Variants in KDM4B observed in about 807,000 individuals in gnomAD.
The protein encoded by KDM4B is lysine demethylase 4B, also known as lysine-specific demethylase 4B.
A neutral mutation model predicts 125.2 loss-of-function variants in KDM4B; 32 were observed. That is an observed-to-expected ratio of 0.26 (90% CI 0.19 to 0.34). The LOEUF (loss-of-function observed/expected upper bound fraction) is 0.34, where lower values mean the gene tolerates loss of function less well. Ranked by LOEUF, KDM4B falls within the 10% of genes least tolerant of loss-of-function variation. The pLI is 1.00. For missense variants in KDM4B, 1,190 were observed against 1,577.7 expected (o/e 0.75, Z 4.16); for synonymous variants, 721 against 677.9 (o/e 1.06, Z -0.99).
chr19:5,122,217 G>C (rs1246117929), intron 11 of KDM4B, among the ~76,000 whole-genome samples: 1 of 152,152 alleles, frequency 6.6e-6, no homozygotes, highest in Non-Finnish European at 1.5e-5. Flanking sequence ...CACATCTCTT[G>C]GCTCAGAGCC....
chr19:5,077,445 A>G lies in KDM4B; in HGVS notation c.755A>G (p.Lys252Arg), dbSNP rs1480950229. 3 of 1,613,406 alleles carry G rather than the reference A, an allele frequency of 1.9e-6. No individual in the cohort carries two copies. In the South Asian group the frequency reaches 3.3e-5, roughly 18 times the overall value. ...ACCCTCATCTCGCCCATCATCCTGA[A>G]GAAGTACGGGATCCCCTTCAGCCGG... ...KMTLISPIIL[K>R]KYGIPFSRIT... Residue 252 changes from lysine to arginine, a missense_variant, in exon 8 of 23, where the codon AAG (lysine) becomes AGG (arginine). Coordinates refer to ENST00000159111, the MANE Select transcript of KDM4B (RefSeq NM_015015.3).
chr19:4,973,395 A>T (rs2034328447), intron 1 of KDM4B, among the ~76,000 whole-genome samples: 1 of 151,940 alleles, frequency 6.6e-6, no homozygotes, highest in South Asian at 2.1e-4. Context: ...CACCATGTTG[A>T]CCAGGCTGGT....
At chr19:5,077,738 AGGCCCCTCCGCAGG>A in intron 8 of KDM4B, 1 of 447,060 alleles carries the variant, frequency 2.2e-6, no homozygotes, top group East Asian at 4.2e-5. Context: ...TGGCCATCAG[AGGCCCCTCCGCAGG>A]GGCTGCAGGG....
At chr19:5,075,045 C>T (rs1350991032) in intron 7 of KDM4B, 2 of 152,402 alleles carry the variant, frequency 1.3e-5, no homozygotes, top group African/African-American at 4.8e-5. Flanking sequence ...AGCCGGCAGC[C>T]CTGTTGGGGA....
intron 6 of KDM4B, among the ~76,000 whole-genome samples, chr19:5,059,081 G>T (rs1346845924): frequency 6.6e-6 from 1 of 152,128 alleles, no homozygotes; most frequent in African/African-American, 2.4e-5. Context: ...ACCCAGAGTC[G>T]CCCGCCCACC....
At position 5,038,442 on chromosome 19, in the gene KDM4B, G is replaced by T. The variant is rs137921921; in HGVS notation, c.142-1394G>T. 1.6e-3 allele frequency among the ~76,000 whole-genome samples: 248 copies of T among 152,346 alleles called. 1 individual carries two copies. Among genetic ancestry groups the T allele is most frequent in the Non-Finnish European group, 2.7e-3 (184 of 68,018 alleles). ...CTCCTGGATGTCTCCAGAAAGAGCC[G>T]GCGCTAACCTGGACTGTCCTTTCCT... On this transcript the variant is annotated intron_variant, in intron 3 of 22. Transcript: ENST00000159111.
chr19:4,987,379 C>T (rs1280878039), intron 1 of KDM4B, among the ~76,000 whole-genome samples: 2 of 152,090 alleles, frequency 1.3e-5, no homozygotes, highest in East Asian at 3.9e-4. Flanking sequence ...AGGGGCTTAT[C>T]ACAAGCTTGG....
At chr19:5,031,198 G>A (rs755947265) in intron 2 of KDM4B, among the ~76,000 whole-genome samples, 36 of 152,214 alleles carry the variant, frequency 2.4e-4, no homozygotes, top group African/African-American at 5.3e-4. Context: ...TGGGGTTGGC[G>A]GGGTCGCAGG....
At chr19:5,020,135 G>T (rs2036061755) in intron 2 of KDM4B, among the ~76,000 whole-genome samples, 1 of 111,104 alleles carries the variant, frequency 9.0e-6, no homozygotes, top group Admixed American at 9.2e-5. Context: ...AGGTGTTGGT[G>T]TGGATGTTGG....
At chr19:5,094,595 G>A (rs2145927943) in intron 9 of KDM4B, among the ~76,000 whole-genome samples, 1 of 152,114 alleles carries the variant, frequency 6.6e-6, no homozygotes, top group Non-Finnish European at 1.5e-5. Flanking sequence ...GTGTTTTAGG[G>A]GTGGTGCCTG....
chr19:5,103,499 G>A (rs907688875), intron 9 of KDM4B, among the ~76,000 whole-genome samples: 2 of 152,174 alleles, frequency 1.3e-5, no homozygotes, highest in Non-Finnish European at 2.9e-5. Context: ...GTCTTCAGGG[G>A]CAGGTGACGG....
chr19:5,032,763 G>C, intron 2 of KDM4B, 103 bp from the exon 3 acceptor site: 1 of 1,122,320 alleles, frequency 8.9e-7, no homozygotes. Context: ...TGTCCTCCTG[G>C]TGGCCACGGT....
At chr19:5,108,760 T>G (rs1262094391) in intron 9 of KDM4B, among the ~76,000 whole-genome samples, 1 of 152,184 alleles carries the variant, frequency 6.6e-6, no homozygotes, top group Non-Finnish European at 1.5e-5. Flanking sequence ...GCCTGTTTGA[T>G]GGAGAGGCAG....
intron 2 of KDM4B, among the ~76,000 whole-genome samples, chr19:5,031,720 C>T (rs1301638566): frequency 1.3e-5 from 2 of 152,194 alleles, no homozygotes; most frequent in East Asian, 1.9e-4. Context: ...TTCTGGACAC[C>T]AGTGCAAGCC....
At chr19:5,003,241 T>C (rs777459093) in intron 1 of KDM4B, among the ~76,000 whole-genome samples, 8 of 152,068 alleles carry the variant, frequency 5.3e-5, no homozygotes, top group African/African-American at 1.4e-4. Context: ...CCTGTGATCA[T>C]AGCACTTTGG....
At chr19:5,017,244 G>C (rs562030056) in intron 2 of KDM4B, among the ~76,000 whole-genome samples, 3 of 152,310 alleles carry the variant, frequency 2.0e-5, no homozygotes. Context: ...GTGGAGCCCA[G>C]CCTCTTTTGG....
intron 6 of KDM4B, among the ~76,000 whole-genome samples, chr19:5,059,168 G>A (rs775436004): frequency 2.0e-5 from 3 of 152,226 alleles, no homozygotes; most frequent in Admixed American, 2.0e-4. Flanking sequence ...TCCCTTCGGC[G>A]AGGCTGCTGC....
chr19:5,132,026 G>C lies in KDM4B; in HGVS notation c.1906+19G>C. On this transcript the variant is annotated intron_variant, in intron 13 of 22. Transcript: ENST00000159111. ...GACGAGGGTGAGTGGGGGGTCCCCA[G>C]GTCGGCTCTCATCAGCCCTGCTCCG... is the stretch of plus-strand genomic sequence containing the variant. 6.3e-7 allele frequency: 1 copy of C among 1,593,316 alleles called. No individual in the cohort carries two copies. Among genetic ancestry groups the C allele is most frequent in the South Asian group, 1.1e-5 (1 of 88,662 alleles).
rs752580926 is a variant in KDM4B at position 5,114,107 on chromosome 19, C to A, written c.1115+3289C>A. 7.8e-7 allele frequency: 1 copy of A among 1,289,268 alleles called. No homozygotes were observed. Among genetic ancestry groups the A allele is most frequent in the Non-Finnish European group, 1.0e-6 (1 of 988,732 alleles). The allele number at this position is 1,289,268 out of a possible 1,614,324, so 79.9% of individuals were successfully genotyped here. The stretch of plus-strand genomic sequence containing the variant: ...CCTCCCCACTCCCGGTGGCGCTGTG[C>A]GTTCTGGTGCCCTGCCTGAGCCGGA... On this transcript the variant is annotated intron_variant, in intron 10 of 22. Transcript: ENST00000159111. The surrounding 1 kb of genome is among the most constrained non-coding windows in gnomAD (Gnocchi z 5.8).
Sources: allele counts gnomAD v4.1 joint callset (sites outside exome capture counted in the v4.1 genomes callset), GRCh38; gene constraint gnomAD v4.1.1; non-coding constraint Gnocchi (gnomAD v3.1); transcripts MANE v1.5; gene names NCBI Gene and HGNC (gene_info 2026-07-23, HGNC 2026-07-21).